Variants in ZNF23 observed in about 807,000 individuals in gnomAD.
The protein encoded by ZNF23 is zinc finger protein 23.
A neutral mutation model predicts 56.2 loss-of-function variants in ZNF23; 48 were observed. The observed-to-expected ratio is 0.85, with a 90% confidence interval of 0.68 to 1.09. ZNF23 has a LOEUF of 1.09. ZNF23 is among the 50% of genes least tolerant of loss of function. The pLI is 0.00. For missense variants in ZNF23, 805 were observed against 811.4 expected (o/e 0.99, Z 0.10); for synonymous variants, 266 against 283.3 (o/e 0.94, Z 0.61).
intron 2 of ZNF23, 155 bp downstream of exon 2, chr16:71,456,609 G>T: frequency 2.6e-6 from 2 of 770,298 alleles, no homozygotes; most frequent in Non-Finnish European, 3.2e-6. Context: ...CTACTGTCCT[G>T]GTCTCTGCCG....
chr16:71,448,261 G>A lies in ZNF23; in HGVS notation c.1893C>T (p.Phe631=). 5 of 1,614,202 alleles carry A rather than the reference G, an allele frequency of 3.1e-6. No individual in the cohort carries two copies. The highest frequency in any genetic ancestry group is 4.2e-6 in the Non-Finnish European group (5 of 1,180,036). The part of the protein sequence containing the change: ...HQRSHTGEKP[F]RCVECGKGFS... ...AGCCTTTGCCACATTCCACACATCT[G>A]AAGGGTTTCTCCCCAGTGTGGCTTC... Residue 631 remains phenylalanine (F), a synonymous_variant, in exon 5 of 5, where the codon TTC becomes TTT. Transcript: ENST00000647773.
rs772831938 is a variant in ZNF23 at position 71,449,931 on chromosome 16, G to A, written c.269-46C>T. The A allele has an allele frequency of 9.3e-5, 135 of 1,458,420 alleles. No homozygotes were observed. In the East Asian group the frequency reaches 2.9e-3, roughly 32 times the overall value. The allele number at this position is 1,458,420 out of a possible 1,614,324, so 90.3% of individuals were successfully genotyped here. On this transcript the variant is annotated intron_variant, in intron 4 of 4. Transcript: ENST00000647773. ...AAAATGTCATGTAAGAACCATGTTAGGAAAAAGAAGAGAACTGTGCTATAA... is the reference window on the plus strand; with the variant it reads ...AAAATGTCATGTAAGAACCATGTTAAGAAAAAGAAGAGAACTGTGCTATAA...
chr16:71,451,540 A>AAAAAAGAGC (rs2043056466), intron 4 of ZNF23: 1 of 152,262 alleles, frequency 6.6e-6, no homozygotes, highest in African/African-American at 2.4e-5. Context: ...TAATGCCCTT[A>AAAAAAGAGC]AAAAAGAGCC....
At position 71,449,659 on chromosome 16, in the gene ZNF23, A is replaced by T. The variant is rs143301392; in HGVS notation, c.495T>A (p.Phe165Leu). The T allele has an allele frequency of 1.3e-5, 21 of 1,613,568 alleles. No homozygotes were observed. The African/African-American group carries it at 2.5e-4, about 19-fold the overall frequency. Residue 165 changes from phenylalanine (F) to leucine (L), a missense_variant, in exon 5 of 5, where the codon TTT becomes TTA. Phe to Leu is a conservative substitution (Grantham distance 22). Coordinates refer to ENST00000647773, the MANE Select transcript of ZNF23 (RefSeq NM_001381984.1). ...DETSPVEECF[F>L]SQSSNSYQCH... ...ACTGATATGAGTTTGAACTTTGACTAAAAAAACACTCCTCCACGGGGCTTG... is the reference window on the plus strand; with the variant it reads ...ACTGATATGAGTTTGAACTTTGACTTAAAAAACACTCCTCCACGGGGCTTG...
chr16:71,460,529 A>T (rs1361934330), intron 1 of ZNF23, among the ~76,000 whole-genome samples: 1 of 152,244 alleles, frequency 6.6e-6, no homozygotes, highest in African/African-American at 2.4e-5. Flanking sequence ...GTAGCAGAGC[A>T]CAGCAAAGTA....
At chr16:71,456,477 C>T (rs1009270103) in intron 2 of ZNF23, among the ~76,000 whole-genome samples, 26 of 152,178 alleles carry the variant, frequency 1.7e-4, no homozygotes, top group African/African-American at 4.1e-4. Context: ...GCGGTTTCCA[C>T]GTCCCCATTC....
At chr16:71,456,661 G>A in intron 2 of ZNF23, 103 bp downstream of exon 2, 1 of 978,862 alleles carries the variant, frequency 1.0e-6, no homozygotes, top group Non-Finnish European at 1.2e-6. Flanking sequence ...TTCCAGTCCA[G>A]CAGGTGGAAG....
chr16:71,453,889 C>A, intron 3 of ZNF23, 153 bp downstream of exon 3: 1 of 926,698 alleles, frequency 1.1e-6, no homozygotes, highest in South Asian at 1.6e-5. Context: ...GGCATTTGCC[C>A]CTGCCAGTAA....
chr16:71,453,242 C>A lies in ZNF23; in HGVS notation c.268+1G>T, dbSNP rs750728665. The A allele has an allele frequency of 4.4e-6, 7 of 1,603,238 alleles. No homozygotes were observed. The Admixed American group carries it at 1.2e-4, about 27-fold the overall frequency. ...GAGTGGGAAATATGTACCTCCCTTA[C>A]CAGTCTGGAGGCCCTGGAGGCCTGT... On this transcript the variant is annotated splice_donor_variant, in intron 4 of 4. Coordinates refer to ENST00000647773, the MANE Select transcript of ZNF23 (RefSeq NM_001381984.1). LOFTEE classifies it high-confidence loss of function.
chr16:71,454,130 G>A lies in ZNF23; in HGVS notation c.72C>T (p.Thr24=). Residue 24 remains threonine (T), a synonymous_variant, in exon 3 of 5, where the codon ACC becomes ACT. Transcript: ENST00000647773. ...GGGACAGGCCATCCCATTCCGCCTG[G>A]GTGAAGTACACAGCCACGTCCTCAA... ...VTFEDVAVYF[T]QAEWDGLSPA... is the part of the protein sequence containing the mutation. 6.2e-7 allele frequency: 1 copy of A among 1,613,972 alleles called. No homozygotes were observed. The highest frequency in any genetic ancestry group is 1.7e-5 in the Admixed American group (1 of 60,006).
At chr16:71,457,562 CA>C (rs879401364) in intron 1 of ZNF23, among the ~76,000 whole-genome samples, 263 of 137,832 alleles carry the variant, frequency 1.9e-3, no homozygotes, top group Middle Eastern at 7.5e-3. Flanking sequence ...GACTCCGTCT[CA>C]AAAAAAAAAA....
chr16:71,461,037 C>T (rs749777839), intron 1 of ZNF23, among the ~76,000 whole-genome samples: 9 of 151,902 alleles, frequency 5.9e-5, no homozygotes, highest in Non-Finnish European at 1.2e-4. Context: ...ACAATGGTGC[C>T]ATTTATATGA....
Position 71,448,043 on chromosome 16 carries a change from T to G in ZNF23, c.*50A>C. On this transcript the variant is annotated 3_prime_UTR_variant, in exon 5 of 5. Coordinates refer to ENST00000647773, the MANE Select transcript of ZNF23 (RefSeq NM_001381984.1). ...TTTCAATGGATGAATCTGATGATACTTGATCCATTTTGGCATTAACCTTAA... is the reference window on the plus strand; with the variant it reads ...TTTCAATGGATGAATCTGATGATACGTGATCCATTTTGGCATTAACCTTAA... 1 of 1,442,320 alleles carries G rather than the reference T, an allele frequency of 6.9e-7. No individual in the cohort carries two copies. Among genetic ancestry groups the G allele is most frequent in the South Asian group, 1.4e-5 (1 of 71,680 alleles). 89.3% of individuals were successfully genotyped at this position (1,442,320 alleles called of 1,614,324 possible).
chr16:71,457,455 C>T (rs1026918120), intron 1 of ZNF23, among the ~76,000 whole-genome samples: 4 of 152,048 alleles, frequency 2.6e-5, no homozygotes, highest in African/African-American at 7.2e-5. Flanking sequence ...CCCAGCTACT[C>T]GGGTGGCAGA....
chr16:71,448,893 T>C lies in ZNF23; in HGVS notation c.1261A>G (p.Lys421Glu), dbSNP rs767731867. The change falls in exon 5 of 5, where the codon AAA (lysine) becomes GAA (glutamate). Residue 421 changes from lysine (K) to glutamate (E), a missense_variant. Lys to Glu is a moderately conservative substitution (Grantham distance 56). Transcript: ENST00000647773. ...ECGKGFNNNT[K>E]LIQHQRIHTG... ...TGGATTCTCTGATGCTGAATGAGTTTTGTATTATTATTGAAGCCTTTTCCA... is the reference window on the plus strand; with the variant it reads ...TGGATTCTCTGATGCTGAATGAGTTCTGTATTATTATTGAAGCCTTTTCCA... 2.5e-6 allele frequency: 4 copies of C among 1,614,210 alleles called. No homozygotes were observed. The highest frequency in any genetic ancestry group is 3.4e-6 in the Non-Finnish European group (4 of 1,180,034).
intron 1 of ZNF23, among the ~76,000 whole-genome samples, chr16:71,459,389 C>G (rs559211211): frequency 6.6e-6 from 1 of 152,360 alleles, no homozygotes; most frequent in Admixed American, 6.5e-5. Context: ...ACCAATGCAT[C>G]CTTGTACCAG....
intron 3 of ZNF23, 125 bp downstream of exon 3, chr16:71,453,917 G>C: frequency 8.5e-7 from 1 of 1,183,102 alleles, no homozygotes; most frequent in South Asian, 1.3e-5. Flanking sequence ...GTCTAGATTA[G>C]GAACAGCTCT....
intron 1 of ZNF23, among the ~76,000 whole-genome samples, chr16:71,460,335 C>A (rs1444659711): frequency 6.6e-6 from 1 of 151,584 alleles, no homozygotes. Flanking sequence ...TTTTTAAATA[C>A]GATTCCAGGT....
At chr16:71,453,161 AGTAT>A in intron 4 of ZNF23, 78 bp downstream of exon 4, 1 of 971,476 alleles carries the variant, frequency 1.0e-6, no homozygotes, top group Non-Finnish European at 1.6e-6. Context: ...CAATAAACAC[AGTAT>A]GTTTATATGT....
Sources: allele counts gnomAD v4.1 joint callset (sites outside exome capture counted in the v4.1 genomes callset), GRCh38; gene constraint gnomAD v4.1.1; transcripts MANE v1.5; gene names NCBI Gene and HGNC (gene_info 2026-07-23, HGNC 2026-07-21).